The following DYNC1H1 variants were observed in gnomAD, a reference collection of about 807,000 sequenced individuals.
DYNC1H1 encodes the protein cytoplasmic dynein 1 heavy chain 1.
A neutral mutation model predicts 527.1 loss-of-function variants in DYNC1H1; 51 were observed. The ratio of observed to expected loss-of-function variants is 0.10; its 90% CI spans 0.08 to 0.12. The LOEUF is 0.12. DYNC1H1 is among the 10% of genes least tolerant of loss of function. The pLI is 1.00. For synonymous variants in DYNC1H1, 2,189 were observed against 2,278.8 expected, an observed-to-expected ratio of 0.96 and a Z score of 1.12; for missense variants, 2,771 against 5,971.8, an observed-to-expected ratio of 0.46 and a Z score of 17.66.
At chr14:102,014,961 A>T (rs1218134834) in intron 34 of DYNC1H1, 144 bp from the exon 35 acceptor site, 1 of 899,624 alleles carries the variant, frequency 1.1e-6, no homozygotes, top group Non-Finnish European at 1.7e-6. Context: ...AATTACAGGC[A>T]CACGCCACCA....
In DYNC1H1 at chr14:102,030,775, C is replaced by A. The variant is rs547270746; in HGVS notation, c.9883+493C>A. 1.0e-3 allele frequency: 217 copies of A among 210,676 alleles called. 1 individual carries two copies. The highest frequency in any genetic ancestry group is 4.0e-3 in the Middle Eastern group (2 of 506). The allele number at this position is 210,676 out of a possible 1,614,324, so 13.1% of individuals were successfully genotyped here. On this transcript the variant is annotated intron_variant, in intron 51 of 77. Transcript: ENST00000360184. ...CTATAGAAATAGGGCAACAACCTGCCATCCTGTTTTAGTTTGCAATTTACA... is the reference window on the plus strand; with the variant it reads ...CTATAGAAATAGGGCAACAACCTGCAATCCTGTTTTAGTTTGCAATTTACA...
Position 102,052,519 on chromosome 14 carries a change from C to A in DYNC1H1, c.*1956C>A, listed in dbSNP as rs1241517905. On this transcript the variant is annotated 3_prime_UTR_variant, in exon 78 of 78. Transcript: ENST00000360184. Reference sequence around the variant, plus strand: ...GCTGGGACCCCTTCCTGGACTGAGTCTGCTCACCTTGGATTAGGCCACCTA... The same window carrying A: ...GCTGGGACCCCTTCCTGGACTGAGTATGCTCACCTTGGATTAGGCCACCTA... 3 of 152,346 alleles carry A rather than the reference C, an allele frequency of 2.0e-5. No homozygotes were observed. Among genetic ancestry groups the A allele is most frequent in the Non-Finnish European group, 4.4e-5 (3 of 68,132 alleles). 9.4% of individuals were successfully genotyped at this position (152,346 alleles called of 1,614,324 possible).
At chr14:102,023,823 CAG>C (rs2048417268) in intron 43 of DYNC1H1, 1 of 152,218 alleles carries the variant, frequency 6.6e-6, no homozygotes, top group South Asian at 2.1e-4. Flanking sequence ...GCCTGGGCAA[CAG>C]AGTGAGATTC....
chr14:102,021,842 G>A (rs1435870024), intron 42 of DYNC1H1, among the ~76,000 whole-genome samples: 1 of 151,632 alleles, frequency 6.6e-6, no homozygotes, highest in Non-Finnish European at 1.5e-5. Context: ...TATATTTTTA[G>A]TAGAGACAGG....
Position 102,038,449 on chromosome 14 carries a change from G to T in DYNC1H1, c.10909-11G>T, listed in dbSNP as rs771307756. ...GCCCTGACCATCAAGTTCCACCCGTGTGGAATGCAGGATGTGGAAAGCTAC... is the reference window on the plus strand; with the variant it reads ...GCCCTGACCATCAAGTTCCACCCGTTTGGAATGCAGGATGTGGAAAGCTAC... On this transcript the variant is annotated splice_polypyrimidine_tract_variant and intron_variant, in intron 57 of 77. Coordinates refer to ENST00000360184, the MANE Select transcript of DYNC1H1 (RefSeq NM_001376.5). This position sits in a 1 kb window ranked among gnomAD's most constrained non-coding sequence, Gnocchi z 7.2. 3.1e-6 allele frequency: 5 copies of T among 1,613,728 alleles called. No homozygotes were observed. The African/African-American group carries it at 6.7e-5, about 22-fold the overall frequency.
chr14:102,047,500 G>A (rs1199424806), intron 72 of DYNC1H1, among the ~76,000 whole-genome samples: 1 of 151,666 alleles, frequency 6.6e-6, no homozygotes, highest in African/African-American at 2.4e-5. Flanking sequence ...TCACGCCACT[G>A]CACTCCAGTC....
chr14:102,025,445 A>G (rs1367575183), intron 43 of DYNC1H1, among the ~76,000 whole-genome samples: 1 of 148,836 alleles, frequency 6.7e-6, no homozygotes, highest in Non-Finnish European at 1.5e-5. Flanking sequence ...GCGTGTGCCT[A>G]TAGTCCCAGC....
In DYNC1H1 at chr14:102,048,544, A is replaced by G; in HGVS notation, c.13247A>G (p.Glu4416Gly). The G allele has an allele frequency of 6.2e-7, 1 of 1,614,116 alleles. No homozygotes were observed. Among genetic ancestry groups the G allele is most frequent in the Non-Finnish European group, 8.5e-7 (1 of 1,180,010 alleles). ...CCTTTGTTCAGGTTCTTTGAGAGAG[A>G]AGTGAAGATGGGCGCAAAGCTGCTT... ...KDPLFRFFER[E>G]VKMGAKLLQD... Residue 4416 changes from glutamate (E) to glycine (G), a missense_variant, in exon 74 of 78, where the codon GAA (glutamate) becomes GGA (glycine). Around this residue, in one of 32 missense-constraint regions of DYNC1H1, gnomAD observed 170 missense variants for 249.8 expected, o/e 0.68. Transcript: ENST00000360184.
At position 101,997,336 on chromosome 14, in the gene DYNC1H1, T is replaced by A; in HGVS notation, c.3804+62T>A. On this transcript the variant is annotated intron_variant, in intron 16 of 77. Transcript: ENST00000360184. The surrounding 1 kb of genome is among the most constrained non-coding windows in gnomAD (Gnocchi z 4.8). ...ACCCAGCAGTGTGATTTGGTGACTT[T>A]CTTTCAAGCCTAAAAGGCCTTGCTG... is the stretch of plus-strand genomic sequence containing the variant. The A allele has an allele frequency of 5.0e-6, 8 of 1,611,860 alleles. No individual in the cohort carries two copies. The highest frequency in any genetic ancestry group is 6.8e-6 in the Non-Finnish European group (8 of 1,179,460).
At chr14:101,994,923 T>A in intron 13 of DYNC1H1, 63 bp from the exon 14 acceptor site, 2 of 1,613,686 alleles carry the variant, frequency 1.2e-6, no homozygotes, top group South Asian at 2.2e-5. Context: ...TGATATTCAT[T>A]TGAAGGATAA....
In DYNC1H1 at chr14:102,004,636, G is replaced by C. The variant is rs925942859; in HGVS notation, c.5002G>C (p.Glu1668Gln). The C allele has an allele frequency of 1.2e-6, 2 of 1,614,208 alleles. No individual in the cohort carries two copies. The highest frequency in any genetic ancestry group is 2.2e-5 in the East Asian group (1 of 44,884). Residue 1668 changes from glutamate to glutamine, a missense_variant, in exon 24 of 78, where the codon GAG becomes CAG. Physicochemically the swap from Glu to Gln is conservative, Grantham distance 29. Coordinates refer to ENST00000360184, the MANE Select transcript of DYNC1H1 (RefSeq NM_001376.5). Reference protein sequence around the residue: ...FAGVSSIILNEDNSVVLGISS... With the variant: ...FAGVSSIILNQDNSVVLGISS... ...TGGAGTTTCGAGCATCATCCTGAACGAGGATAACTCTGTTGTTTTGGGTAT... is the reference window on the plus strand; with the variant it reads ...TGGAGTTTCGAGCATCATCCTGAACCAGGATAACTCTGTTGTTTTGGGTAT...
chr14:101,980,799 G>T (rs904966705), intron 5 of DYNC1H1, among the ~76,000 whole-genome samples: 5 of 152,196 alleles, frequency 3.3e-5, no homozygotes, highest in Admixed American at 6.5e-5. Context: ...TATGAGCACA[G>T]ATTCCTTCTT....
intron 4 of DYNC1H1, 60 bp downstream of exon 4, chr14:101,980,034 A>C: frequency 6.2e-7 from 1 of 1,611,380 alleles, no homozygotes; most frequent in South Asian, 1.1e-5. Context: ...CTTTGGGAAA[A>C]CTGATCTGGA....
chr14:102,015,381 A>G lies in DYNC1H1; in HGVS notation c.7242+49A>G, dbSNP rs750828552. ...TATCATGACCTGAGGGTGCTAGGAT[A>G]TTCAGATGTGGTCTCGCTGTGTTGC... On this transcript the variant is annotated intron_variant, in intron 35 of 77. Coordinates refer to ENST00000360184, the MANE Select transcript of DYNC1H1 (RefSeq NM_001376.5). This position sits in a 1 kb window ranked among gnomAD's most constrained non-coding sequence, Gnocchi z 6.9. 1 of 1,551,630 alleles carries G rather than the reference A, an allele frequency of 6.4e-7. No homozygotes were observed. The highest frequency in any genetic ancestry group is 1.2e-5 in the South Asian group (1 of 84,670).
At position 102,004,881 on chromosome 14, in the gene DYNC1H1, A is replaced by G. The variant is rs147025658; in HGVS notation, c.5169A>G (p.Glu1723=). The stretch of plus-strand genomic sequence containing the variant: ...AACTGCTTGCTGAGTCTGTTACGGA[A>G]GTTGAGATTTTTGGTAAAGCAACTT... ...LAKLLAESVT[E]VEIFGKATSI... Residue 1723 remains glutamate, a synonymous_variant, in exon 25 of 78, where the codon GAA becomes GAG. Coordinates refer to ENST00000360184, the MANE Select transcript of DYNC1H1 (RefSeq NM_001376.5). The G allele has an allele frequency of 6.2e-7, 1 of 1,614,136 alleles. No homozygotes were observed. The highest frequency in any genetic ancestry group is 8.5e-7 in the Non-Finnish European group (1 of 1,180,048).
rs1421847566 is a variant in DYNC1H1, at chr14:101,985,216, C to A, written c.1462-471C>A. Among the ~76,000 whole-genome samples, 2 of 152,140 alleles carry A rather than the reference C, an allele frequency of 1.3e-5. No individual in the cohort carries two copies. The highest frequency in any genetic ancestry group is 2.9e-5 in the Non-Finnish European group (2 of 68,026). On this transcript the variant is annotated intron_variant, in intron 7 of 77. Transcript: ENST00000360184. The surrounding 1 kb of genome is among the most constrained non-coding windows in gnomAD (Gnocchi z 5.9). ...TTATTTAGTCTCTTTTTCAGAGAGT[C>A]CTTCTCTGTAAAACATGGATAGTAA...
chr14:101,978,496 C>A (rs2047827469), intron 2 of DYNC1H1, among the ~76,000 whole-genome samples: 1 of 152,084 alleles, frequency 6.6e-6, no homozygotes, highest in Non-Finnish European at 1.5e-5. Context: ...GTATAAAGTA[C>A]TGGCAAGGGA....
chr14:102,041,116 G>A lies in DYNC1H1; in HGVS notation c.11941+443G>A, dbSNP rs1426563699. 1 of 346,656 alleles carries A rather than the reference G, an allele frequency of 2.9e-6. No individual in the cohort carries two copies. The highest frequency in any genetic ancestry group is 5.5e-6 in the Non-Finnish European group (1 of 180,434). 21.5% of individuals were successfully genotyped at this position (346,656 alleles called of 1,614,324 possible). On this transcript the variant is annotated intron_variant, in intron 64 of 77. Coordinates refer to ENST00000360184, the MANE Select transcript of DYNC1H1 (RefSeq NM_001376.5). The surrounding 1 kb of genome is among the most constrained non-coding windows in gnomAD (Gnocchi z 4.5). ...ATGCTTAAAGACCACAAGAGAACTA[G>A]ATGGGGAACTCCTGCCTAATGCTAA...
At chr14:101,996,951 G>A (rs2048069598) in intron 15 of DYNC1H1, 84 bp from the exon 16 acceptor site, 2 of 1,534,344 alleles carry the variant, frequency 1.3e-6, no homozygotes, top group East Asian at 2.4e-5. Flanking sequence ...ACTATAAAGT[G>A]CCTTCTCTTT....
Sources: gnomAD v4.1 joint callset for allele counts (sites outside exome capture counted in the v4.1 genomes callset) on GRCh38, gnomAD v4.1.1 for gene constraint, gnomAD v4.1.1 regional missense constraint, Gnocchi (gnomAD v3.1) non-coding constraint, MANE v1.5 for transcripts, NCBI Gene and HGNC (gene_info 2026-07-23, HGNC 2026-07-21) for gene names.